The following TXNRD1 variants were observed in gnomAD, a reference collection of about 807,000 sequenced individuals.
The protein encoded by TXNRD1 is thioredoxin reductase 1, cytoplasmic.
Under a neutral mutation model 80.3 loss-of-function variants are expected in TXNRD1, and 57 were observed. That is an observed-to-expected ratio of 0.71 (90% CI 0.57 to 0.89). TXNRD1 has a LOEUF of 0.89. TXNRD1 is among the 40% of genes least tolerant of loss of function. TXNRD1 has a pLI of 0.00. For missense variants in TXNRD1, 730 were observed against 803.0 expected (o/e 0.91, Z 1.10); for synonymous variants, 291 against 285.2 (o/e 1.02, Z -0.20).
intron 1 of TXNRD1, among the ~76,000 whole-genome samples, chr12:104,245,422 C>G (rs1050444273): frequency 7.4e-5 from 10 of 135,654 alleles, no homozygotes; most frequent in African/African-American, 2.8e-4. Context: ...GAGGCTGAGG[C>G]AGGAGAATCA....
chr12:104,309,678 A>T, intron 4 of TXNRD1: 1 of 1,000,750 alleles, frequency 1.0e-6, no homozygotes, highest in Non-Finnish European at 1.4e-6. Context: ...GAGACCCAGT[A>T]GGGAGTCACA....
intron 16 of TXNRD1, among the ~76,000 whole-genome samples, chr12:104,342,566 G>T (rs1404554960): frequency 6.6e-6 from 1 of 152,182 alleles, no homozygotes; most frequent in Non-Finnish European, 1.5e-5. Context: ...CAAAAGGCCT[G>T]GGTGGGAAAG....
chr12:104,271,739 AC>A (rs2033656261), intron 3 of TXNRD1, among the ~76,000 whole-genome samples: 1 of 152,128 alleles, frequency 6.6e-6, no homozygotes, highest in South Asian at 2.1e-4. Context: ...CTGGATGTAT[AC>A]GTGCAGGTCA....
intron 10 of TXNRD1, among the ~76,000 whole-genome samples, chr12:104,321,701 T>C (rs543676477): frequency 6.6e-6 from 1 of 152,282 alleles, no homozygotes; most frequent in African/African-American, 2.4e-5. Context: ...CACAGGACAT[T>C]TCCCCTTGGT....
intron 4 of TXNRD1, among the ~76,000 whole-genome samples, chr12:104,295,694 C>A (rs1369812663): frequency 6.6e-6 from 1 of 152,196 alleles, no homozygotes; most frequent in Admixed American, 6.6e-5. Flanking sequence ...AACTGCCTAC[C>A]CGTTCAGAAT....
intron 1 of TXNRD1, among the ~76,000 whole-genome samples, chr12:104,247,084 T>G (rs2135700216): frequency 6.7e-6 from 1 of 150,302 alleles, no homozygotes; most frequent in Middle Eastern, 3.4e-3. Flanking sequence ...GTTTGTTTGT[T>G]TTTGAGACAG....
intron 4 of TXNRD1, among the ~76,000 whole-genome samples, chr12:104,302,723 T>G (rs532961656): frequency 1.3e-5 from 2 of 151,580 alleles, no homozygotes; most frequent in African/African-American, 4.8e-5. Flanking sequence ...TCTCCTGACC[T>G]CGTGATCCGC....
At chr12:104,312,390 A>G (rs533812701) in intron 5 of TXNRD1, among the ~76,000 whole-genome samples, 1 of 152,334 alleles carries the variant, frequency 6.6e-6, no homozygotes, top group East Asian at 1.9e-4. Context: ...CCTTTAAAAG[A>G]TGAAGTGGTT....
At chr12:104,257,534 G>A (rs933404272) in intron 2 of TXNRD1, among the ~76,000 whole-genome samples, 1 of 151,482 alleles carries the variant, frequency 6.6e-6, no homozygotes, top group African/African-American at 2.4e-5. Flanking sequence ...AGCCTCCCGA[G>A]TAGCTGAGAT....
At chr12:104,278,239 C>T (rs1241929419) in intron 3 of TXNRD1, among the ~76,000 whole-genome samples, 2 of 130,620 alleles carry the variant, frequency 1.5e-5, no homozygotes, top group South Asian at 2.5e-4. Context: ...CTTGCTCTGT[C>T]GCCCAGGCTG....
intron 1 of TXNRD1, among the ~76,000 whole-genome samples, chr12:104,233,768 TG>T (rs1266472137): frequency 6.6e-6 from 1 of 152,154 alleles, no homozygotes; most frequent in East Asian, 1.9e-4. Context: ...GTGATCTGCC[TG>T]CCTCGGCCTC....
In TXNRD1 at chr12:104,265,768, C is replaced by T. The variant is rs1017479110; in HGVS notation, c.304+7689C>T. On this transcript the variant is annotated intron_variant, in intron 3 of 16. Transcript: ENST00000525566. ...CCACGACTCCAAGATCAAGTTCCCG[C>T]TGCCCCACCGGGTCCTGCGCCGTCA... The T allele has an allele frequency of 1.6e-5, 26 of 1,582,362 alleles. No individual in the cohort carries two copies. The African/African-American group carries it at 2.4e-4, about 15-fold the overall frequency.
chr12:104,330,675 C>G (rs1045227270), intron 13 of TXNRD1, among the ~76,000 whole-genome samples: 7 of 152,094 alleles, frequency 4.6e-5, no homozygotes, highest in African/African-American at 7.2e-5. Context: ...CAACCTCTGC[C>G]TCCCGGGTTC....
Position 104,215,818 on chromosome 12 carries a change from G to A in TXNRD1, c.16G>A (p.Gly6Ser), listed in dbSNP as rs199751825. The A allele has an allele frequency of 4.7e-4, 730 of 1,563,616 alleles. 7 individuals are homozygous for A. Among genetic ancestry groups the A allele is most frequent in the Non-Finnish European group, 2.5e-5 (29 of 1,154,672 alleles). MGCAE[G>S]KAVAAAAPTE... ...CTTGTGCGACATGGGCTGCGCCGAGGGCAAGGCAGTGGCGGCGGCCGCCCC... is the reference window on the plus strand; with the variant it reads ...CTTGTGCGACATGGGCTGCGCCGAGAGCAAGGCAGTGGCGGCGGCCGCCCC... The change falls in exon 1 of 17, where the codon GGC becomes AGC. Residue 6 changes from glycine to serine, a missense_variant. By Grantham distance (56) the Gly-to-Ser change is moderately conservative (BLOSUM62 0). Coordinates refer to ENST00000525566, the MANE Select transcript of TXNRD1 (RefSeq NM_001093771.3).
chr12:104,343,219 A>C (rs556320705), intron 16 of TXNRD1, among the ~76,000 whole-genome samples: 5 of 152,198 alleles, frequency 3.3e-5, no homozygotes, highest in Non-Finnish European at 5.9e-5. Flanking sequence ...AACCAAGGAC[A>C]AAGAGGTTGA....
intron 1 of TXNRD1, among the ~76,000 whole-genome samples, chr12:104,221,714 A>G (rs1008927065): frequency 3.9e-5 from 6 of 152,170 alleles, no homozygotes; most frequent in African/African-American, 1.4e-4. Context: ...TTTTGCCACA[A>G]TTTAGTGTGT....
intron 16 of TXNRD1, among the ~76,000 whole-genome samples, chr12:104,340,563 A>G (rs749890263): frequency 7.2e-5 from 11 of 152,284 alleles, no homozygotes; most frequent in Admixed American, 3.3e-4. Flanking sequence ...TCTGTCTTCT[A>G]GTAGCAATGG....
rs1565862673 is a variant in TXNRD1 at position 104,251,605 on chromosome 12, C to T, written c.170C>T (p.Ala57Val). The T allele has an allele frequency of 7.4e-6, 12 of 1,613,784 alleles. No individual in the cohort carries two copies. Among genetic ancestry groups the T allele is most frequent in the Admixed American group, 1.7e-5 (1 of 59,990 alleles). The change falls in exon 2 of 17, where the codon GCC (alanine) becomes GTC (valine). Residue 57 changes from alanine (A) to valine (V), a missense_variant. Transcript: ENST00000525566. ...FTSTATADSRALLQAYIDGHS... is the reference protein window; with the variant it reads ...FTSTATADSRVLLQAYIDGHS... ...AGCACGGCCACTGCAGACTCCAGAG[C>T]CCTGCTTCAGGCCTATATAGATGGT...
intron 4 of TXNRD1, among the ~76,000 whole-genome samples, chr12:104,291,617 G>C (rs898618519): frequency 4.6e-5 from 7 of 151,616 alleles, no homozygotes; most frequent in African/African-American, 1.7e-4. Context: ...CCGAGTAGCT[G>C]GGATTACAGG....
Sources: gnomAD v4.1 joint callset for allele counts (sites outside exome capture counted in the v4.1 genomes callset) on GRCh38, gnomAD v4.1.1 for gene constraint, MANE v1.5 for transcripts, NCBI Gene and HGNC (gene_info 2026-07-23, HGNC 2026-07-21) for gene names.